The following USF3 variants were observed in gnomAD, a reference collection of about 807,000 sequenced individuals.
USF3 encodes upstream transcription factor family member 3.
In USF3, 29 loss-of-function variants were observed where a neutral mutation model predicts 157.5. That is an observed-to-expected ratio of 0.18 (90% CI 0.14 to 0.25). The LOEUF is 0.25. Among genes scored for constraint, USF3 ranks in the 10% least tolerant of loss-of-function variants. USF3 has a pLI of 1.00. For synonymous variants in USF3, 893 were observed against 941.4 expected, an observed-to-expected ratio of 0.95 and a Z score of 0.94; for missense variants, 2,381 against 2,667.6, an observed-to-expected ratio of 0.89 and a Z score of 2.37.
chr3:113,673,367 GT>G lies in USF3; in HGVS notation c.56del (p.Asn19ThrfsTer20). On this transcript the variant is annotated frameshift_variant, in exon 4 of 7. Transcript: ENST00000316407. LOFTEE classifies it high-confidence loss of function. Reference protein sequence around the residue: ...TPTKKQHRKKNRETHNAVERH... With the variant: ...TPTKKQHRKKXRETHNAVERH... ...TTCTACCTGCATTGTGTGTCTCCCG[GT>G]TTTTCTTTCTGAAACAAAAAGTACA... The G allele has an allele frequency of 6.2e-7, 1 of 1,600,932 alleles. No individual in the cohort carries two copies. Among genetic ancestry groups the G allele is most frequent in the Non-Finnish European group, 8.5e-7 (1 of 1,170,648 alleles).
intron 1 of USF3, among the ~76,000 whole-genome samples, chr3:113,689,476 C>A (rs566934556): frequency 6.6e-6 from 1 of 152,184 alleles, no homozygotes; most frequent in Non-Finnish European, 1.5e-5. Flanking sequence ...TCCTTTCAGG[C>A]CTCCAGGACT....
rs1239374098 is a variant in USF3, at chr3:113,655,749, G to A, written c.5933C>T (p.Ser1978Leu). Residue 1978 changes from serine (S) to leucine (L), a missense_variant, in exon 7 of 7, where the codon TCA becomes TTA. Physicochemically the swap from Ser to Leu is moderately radical, Grantham distance 145 (BLOSUM62 -2). This residue lies in a region of USF3 where 770 missense variants were observed against 824.2 expected (regional missense o/e 0.93). Transcript: ENST00000316407. ...ACTGCTGTCTTGCAGGGGATGCCTT[G>A]ATCTCTGGGGAACTGAAGAATTAGC... is the stretch of plus-strand genomic sequence containing the variant. ...RQANSSVPQR[S>L]RHPLQDSSGS... 6.2e-7 allele frequency: 1 copy of A among 1,614,002 alleles called. No individual in the cohort carries two copies. Among genetic ancestry groups the A allele is most frequent in the Non-Finnish European group, 8.5e-7 (1 of 1,179,990 alleles).
rs1303900309 is a variant in USF3, at chr3:113,648,934, G to C, written c.*6010C>G. ...TATATAGCCTGCTGAAAGTGGAAGC[G>C]AATCTTTTCTTCACAGTAACACAAC... On this transcript the variant is annotated 3_prime_UTR_variant, in exon 7 of 7. Coordinates refer to ENST00000316407, the MANE Select transcript of USF3 (RefSeq NM_001009899.4). The C allele has an allele frequency of 6.6e-6, 1 of 152,142 alleles. No homozygotes were observed. Among genetic ancestry groups the C allele is most frequent in the East Asian group, 1.9e-4 (1 of 5,192 alleles). The allele number at this position is 152,142 out of a possible 1,614,324, so 9.4% of individuals were successfully genotyped here.
intron 3 of USF3, among the ~76,000 whole-genome samples, chr3:113,674,288 A>G (rs1253581442): frequency 6.6e-6 from 1 of 152,224 alleles, no homozygotes; most frequent in Non-Finnish European, 1.5e-5. Flanking sequence ...TTGGTAATAT[A>G]TTAACTACTG....
chr3:113,661,332 A>G lies in USF3; in HGVS notation c.350T>C (p.Leu117Ser). 1.2e-6 allele frequency: 2 copies of G among 1,613,526 alleles called. No homozygotes were observed. Among genetic ancestry groups the G allele is most frequent in the Non-Finnish European group, 1.7e-6 (2 of 1,179,532 alleles). ...CCAGTGAATTGTCGGGTCATCATAT[A>G]AGCATATGTCATTAGCTTTCAGTAA... ...IELLKANDIC[L>S]YDDPTIHWKG... The change falls in exon 7 of 7, where the codon TTA becomes TCA. Residue 117 changes from leucine (L) to serine (S), a missense_variant. Coordinates refer to ENST00000316407, the MANE Select transcript of USF3 (RefSeq NM_001009899.4).
In USF3 at chr3:113,656,410, T is replaced by A; in HGVS notation, c.5272A>T (p.Asn1758Tyr). 6.2e-7 allele frequency: 1 copy of A among 1,614,214 alleles called. No individual in the cohort carries two copies. The highest frequency in any genetic ancestry group is 8.5e-7 in the Non-Finnish European group (1 of 1,180,044). Residue 1758 changes from asparagine to tyrosine, a missense_variant, in exon 7 of 7, where the codon AAT becomes TAT. Physicochemically the swap from Asn to Tyr is moderately radical, Grantham distance 143. Around this residue, in one of 6 missense-constraint regions of USF3, gnomAD observed 770 missense variants for 824.2 expected, o/e 0.93. Transcript: ENST00000316407. ...GATGATACAGGGTTACCTATTTCATTGTTTCTTGAAGATTGTACTTCAAAA... is the reference window on the plus strand; with the variant it reads ...GATGATACAGGGTTACCTATTTCATAGTTTCTTGAAGATTGTACTTCAAAA... ...SNFEVQSSRN[N>Y]EIGNPVSSLR...
In USF3 at chr3:113,657,229, T is replaced by G; in HGVS notation, c.4453A>C (p.Arg1485=). Residue 1485 remains arginine (R), a synonymous_variant, in exon 7 of 7, where the codon AGG becomes CGG. Transcript: ENST00000316407. ...TGCTGCATTTGATATAAGTGATGCC[T>G]CTCTCTTAACTGCCCTGCTTGTTGT... ...QQQQAGQLRE[R]HHLYQMQHHV... is the part of the protein sequence containing the mutation. 6.2e-7 allele frequency: 1 copy of G among 1,613,304 alleles called. No individual in the cohort carries two copies. The highest frequency in any genetic ancestry group is 1.1e-5 in the South Asian group (1 of 91,016).
chr3:113,656,380 G>A lies in USF3; in HGVS notation c.5302C>T (p.Arg1768Trp), dbSNP rs763972816. The A allele has an allele frequency of 1.4e-5, 23 of 1,614,104 alleles. No homozygotes were observed. Among genetic ancestry groups the A allele is most frequent in the Middle Eastern group, 1.6e-4 (1 of 6,062 alleles). The change falls in exon 7 of 7, where the codon CGG becomes TGG. Residue 1768 changes from arginine to tryptophan, a missense_variant. Transcript: ENST00000316407. The stretch of plus-strand genomic sequence containing the variant: ...CGAAAAGCCTGGGACTGCATACTCC[G>A]CAATGATGATACAGGGTTACCTATT... ...NEIGNPVSSL[R>W]SMQSQAFRIS...
intron 1 of USF3, among the ~76,000 whole-genome samples, chr3:113,684,101 T>C (rs927520008): frequency 6.6e-6 from 1 of 152,222 alleles, no homozygotes; most frequent in Admixed American, 6.5e-5. Context: ...CTCTTGATAT[T>C]TGAAGTGTAT....
Position 113,649,499 on chromosome 3 carries a change from GT to G in USF3, c.*5444del, listed in dbSNP as rs769258375. On this transcript the variant is annotated 3_prime_UTR_variant, in exon 7 of 7. Transcript: ENST00000316407. ...AGTTTAACAGGAGTTTTGCTACTAGGTTTTTTTTTTGTTTTTTGTTTTTTTT... is the reference window on the plus strand; with the variant it reads ...AGTTTAACAGGAGTTTTGCTACTAGGTTTTTTTTTGTTTTTTGTTTTTTTT... The G allele has an allele frequency of 3.8e-3, 862 of 229,866 alleles. 2 individuals are homozygous for G. The highest frequency in any genetic ancestry group is 7.7e-3 in the African/African-American group (335 of 43,654). 14.2% of individuals were successfully genotyped at this position (229,866 alleles called of 1,614,324 possible). A position where few individuals can be genotyped will look rare whatever the true frequency, so the allele number is the denominator to read the frequency against.
chr3:113,659,684 T>G lies in USF3; in HGVS notation c.1998A>C (p.Leu666Phe). 1 of 1,614,256 alleles carries G rather than the reference T, an allele frequency of 6.2e-7. No individual in the cohort carries two copies. The highest frequency in any genetic ancestry group is 8.5e-7 in the Non-Finnish European group (1 of 1,180,034). The change falls in exon 7 of 7, where the codon TTA (leucine) becomes TTC (phenylalanine). Residue 666 changes from leucine to phenylalanine, a missense_variant. Around this residue, in one of 6 missense-constraint regions of USF3, gnomAD observed 1,435 missense variants for 1,550.9 expected, o/e 0.93. Transcript: ENST00000316407. ...GCTGCAAAGCAAAGAGCTGTCCATT[T>G]AAAGAAATGGTTTGAGGCTGTTGGT... ...MSNQQPQTIS[L>F]NGQLFALQPV...
chr3:113,660,435 T>C lies in USF3; in HGVS notation c.1247A>G (p.Asn416Ser). 1 of 1,614,158 alleles carries C rather than the reference T, an allele frequency of 6.2e-7. No individual in the cohort carries two copies. The highest frequency in any genetic ancestry group is 8.5e-7 in the Non-Finnish European group (1 of 1,180,026). The change falls in exon 7 of 7, where the codon AAC (asparagine) becomes AGC (serine). Residue 416 changes from asparagine (N) to serine (S), a missense_variant. By Grantham distance (46) the Asn-to-Ser change is conservative. Transcript: ENST00000316407. ...SSSVSTSDLK[N>S]INSLTRISSA... is the part of the protein sequence containing the mutation. ...AGAGATTCGTGTAAGGCTATTAATG[T>C]TTTTCAAATCTGAAGTACTAACACT...
Position 113,656,294 on chromosome 3 carries a change from T to C in USF3, c.5388A>G (p.Pro1796=). 1 of 1,614,212 alleles carries C rather than the reference T, an allele frequency of 6.2e-7. No individual in the cohort carries two copies. The highest frequency in any genetic ancestry group is 8.5e-7 in the Non-Finnish European group (1 of 1,180,030). Residue 1796 remains proline, a synonymous_variant, in exon 7 of 7, where the codon CCA becomes CCG. Transcript: ENST00000316407. The part of the protein sequence containing the change: ...IDRQKRLSYP[P]VQSIPTGNGI... The stretch of plus-strand genomic sequence containing the variant: ...CATTTCCTGTTGGGATGCTCTGAAC[T>C]GGTGGGTAAGATAATCTCTTTTGAC...
intron 1 of USF3, among the ~76,000 whole-genome samples, chr3:113,680,444 A>G (rs1237236848): frequency 6.6e-6 from 1 of 150,628 alleles, no homozygotes; most frequent in Non-Finnish European, 1.5e-5. Context: ...TGTACTGTCT[A>G]CTTTTTCATT....
rs765316202 is a variant in USF3 at position 113,657,909 on chromosome 3, G to T, written c.3773C>A (p.Ala1258Glu). Residue 1258 changes from alanine to glutamate, a missense_variant, in exon 7 of 7, where the codon GCG becomes GAG. By Grantham distance (107) the Ala-to-Glu change is moderately radical. Around this residue, in one of 6 missense-constraint regions of USF3, gnomAD observed 1,435 missense variants for 1,550.9 expected, o/e 0.93. Transcript: ENST00000316407. Reference sequence around the variant, plus strand: ...TTGCTCTGAAGTTGGGGATAAACCCGCACAGCTGGCCAGAGGATGGCTGAT... The same window carrying T: ...TTGCTCTGAAGTTGGGGATAAACCCTCACAGCTGGCCAGAGGATGGCTGAT... ...SSISHPLASCAGLSPTSEQTT... is the reference protein window; with the variant it reads ...SSISHPLASCEGLSPTSEQTT... The T allele has an allele frequency of 6.2e-7, 1 of 1,614,158 alleles. No homozygotes were observed. Among genetic ancestry groups the T allele is most frequent in the East Asian group, 2.2e-5 (1 of 44,878 alleles).
Position 113,649,645 on chromosome 3 carries a change from A to G in USF3, c.*5299T>C, listed in dbSNP as rs891172528. 5.6e-5 allele frequency: 30 copies of G among 534,064 alleles called. No individual in the cohort carries two copies. Among genetic ancestry groups the G allele is most frequent in the African/African-American group, 4.4e-4 (23 of 51,952 alleles). The allele number at this position is 534,064 out of a possible 1,614,324, so 33.1% of individuals were successfully genotyped here. A position where few individuals can be genotyped will look rare whatever the true frequency, so the allele number is the denominator to read the frequency against. On this transcript the variant is annotated 3_prime_UTR_variant, in exon 7 of 7. Coordinates refer to ENST00000316407, the MANE Select transcript of USF3 (RefSeq NM_001009899.4). ...GTACCATCCCAGCTGGCCCTTTGCTATAACAGAGGAGTGGGTGAGTGATAT... is the reference window on the plus strand; with the variant it reads ...GTACCATCCCAGCTGGCCCTTTGCTGTAACAGAGGAGTGGGTGAGTGATAT...
intron 4 of USF3, among the ~76,000 whole-genome samples, chr3:113,671,724 ATCCTTTTTTCTTTCTTTTC>A (rs1360862070): frequency 2.0e-5 from 3 of 147,838 alleles, no homozygotes; most frequent in Admixed American, 1.3e-4. Context: ...CAGTAAGAGC[ATCCTTTTTTCTTTCTTTTC>A]TCCTTTTTTC....
In USF3 at chr3:113,649,572, G is replaced by A. The variant is rs542946486; in HGVS notation, c.*5372C>T. The A allele has an allele frequency of 6.1e-4, 227 of 369,792 alleles. No individual in the cohort carries two copies. The highest frequency in any genetic ancestry group is 4.1e-3 in the African/African-American group (198 of 47,996). The allele number at this position is 369,792 out of a possible 1,614,324, so 22.9% of individuals were successfully genotyped here. Reference sequence around the variant, plus strand: ...GCTCAGAGAATGGTAAGGCAACAGTGAGAAACATCAGCTGTACTTGTCGAG... The same window carrying A: ...GCTCAGAGAATGGTAAGGCAACAGTAAGAAACATCAGCTGTACTTGTCGAG... On this transcript the variant is annotated 3_prime_UTR_variant, in exon 7 of 7. Coordinates refer to ENST00000316407, the MANE Select transcript of USF3 (RefSeq NM_001009899.4).
At chr3:113,690,922 T>G (rs1196434220) in intron 1 of USF3, among the ~76,000 whole-genome samples, 1 of 152,178 alleles carries the variant, frequency 6.6e-6, no homozygotes, top group Non-Finnish European at 1.5e-5. Flanking sequence ...GCACGGTGGC[T>G]CACACCTGTA....
Sources: gnomAD v4.1 joint callset for allele counts (sites outside exome capture counted in the v4.1 genomes callset) on GRCh38, gnomAD v4.1.1 for gene constraint, gnomAD v4.1.1 regional missense constraint, MANE v1.5 for transcripts, NCBI Gene and HGNC (gene_info 2026-07-23, HGNC 2026-07-21) for gene names.